The following CFAP61 variants were observed in gnomAD, a reference collection of about 807,000 sequenced individuals.
CFAP61 encodes the protein cilia and flagella associated protein 61, also known as cilia- and flagella-associated protein 61.
Under a neutral mutation model 135.6 loss-of-function variants are expected in CFAP61, and 107 were observed. That is an observed-to-expected ratio of 0.79 (90% confidence interval 0.67 to 0.93). The LOEUF (loss-of-function observed/expected upper bound fraction) is 0.93, where lower values mean the gene tolerates loss of function less well. Ranked by LOEUF, CFAP61 falls within the 40% of genes least tolerant of loss-of-function variation. The pLI, the probability that CFAP61 is intolerant of heterozygous loss-of-function variation, is 0.00. For synonymous variants in CFAP61, 575 were observed against 578.5 expected (o/e 0.99, Z 0.09); for missense variants, 1,507 against 1,556.2 (o/e 0.97, Z 0.53).
intron 6 of CFAP61, among the ~76,000 whole-genome samples, chr20:20,089,472 A>T (rs1220287233): frequency 6.6e-6 from 1 of 152,046 alleles, no homozygotes; most frequent in Non-Finnish European, 1.5e-5. Context: ...AAATGGGATG[A>T]TGAAGATGGT....
intron 15 of CFAP61, 58 bp downstream of exon 15, chr20:20,191,477 G>T (rs933128227): frequency 3.9e-5 from 48 of 1,228,782 alleles, no homozygotes; most frequent in Non-Finnish European, 5.2e-5. Flanking sequence ...TCATGAATTA[G>T]CCCACAGTGC....
chr20:20,287,860 T>C (rs1033902864), intron 22 of CFAP61, among the ~76,000 whole-genome samples: 1 of 152,216 alleles, frequency 6.6e-6, no homozygotes, highest in African/African-American at 2.4e-5. Flanking sequence ...TGGAAGACGA[T>C]GTCCAGATGA....
chr20:20,212,794 A>G (rs2146919606), intron 17 of CFAP61, among the ~76,000 whole-genome samples: 1 of 152,206 alleles, frequency 6.6e-6, no homozygotes, highest in South Asian at 2.1e-4. Flanking sequence ...TTGGTGGTGG[A>G]GAGTTAATTG....
chr20:20,071,114 G>T lies in CFAP61; in HGVS notation c.294+110G>T, dbSNP rs1171171519. On this transcript the variant is annotated intron_variant, in intron 3 of 26. Transcript: ENST00000245957. ...TGTACTGAGCAGTATATGACATCAT[G>T]ACAGTTAAAAGTGAAGGGAGCTGGT... The T allele has an allele frequency of 6.3e-6, 7 of 1,116,594 alleles. No individual in the cohort carries two copies. In the African/African-American group the frequency reaches 1.1e-4, roughly 18 times the overall value. The allele number at this position is 1,116,594 out of a possible 1,614,324, so 69.2% of individuals were successfully genotyped here. A position where few individuals can be genotyped will look rare whatever the true frequency, so the allele number is the denominator to read the frequency against.
chr20:20,085,395 T>C, intron 6 of CFAP61: 2 of 1,356,320 alleles, frequency 1.5e-6, no homozygotes, highest in South Asian at 2.3e-5. Context: ...TGCAAGATCA[T>C]AAATTATCAA....
intron 8 of CFAP61, among the ~76,000 whole-genome samples, chr20:20,132,442 T>A (rs2424259): frequency 0.35 from 52,912 of 151,986 alleles, 9,450 homozygotes; most frequent in Middle Eastern, 0.49. Context: ...AAGCATATGT[T>A]CCATTTTTGT....
At chr20:20,226,831 C>T (rs542229255) in intron 17 of CFAP61, among the ~76,000 whole-genome samples, 4 of 152,316 alleles carry the variant, frequency 2.6e-5, no homozygotes, top group South Asian at 2.1e-4. Context: ...ACGTGGTTTA[C>T]GTGAATCAGA....
At chr20:20,242,917 AG>A in intron 18 of CFAP61, among the ~76,000 whole-genome samples, 1 of 152,318 alleles carries the variant, frequency 6.6e-6, no homozygotes, top group Non-Finnish European at 1.5e-5. Context: ...GTACAGGCAG[AG>A]GTAAGGTGAG....
In CFAP61 at chr20:20,102,340, G is replaced by A. The variant is rs2048088391; in HGVS notation, c.859+3526G>A. Reference sequence around the variant, plus strand: ...CATTTATTTATACACAGCTGACTTGGGTGAGAGTATAAATACCCCAGCTCC... The same window carrying A: ...CATTTATTTATACACAGCTGACTTGAGTGAGAGTATAAATACCCCAGCTCC... On this transcript the variant is annotated intron_variant, in intron 8 of 26. Coordinates refer to ENST00000245957, the MANE Select transcript of CFAP61 (RefSeq NM_015585.4). Among the ~76,000 whole-genome samples, 6 of 152,148 alleles carry A rather than the reference G, an allele frequency of 3.9e-5. No homozygotes were observed. The South Asian group carries it at 1.2e-3, about 32-fold the overall frequency.
intron 17 of CFAP61, among the ~76,000 whole-genome samples, chr20:20,202,500 TAAA>T (rs927634214): frequency 6.6e-6 from 1 of 152,256 alleles, no homozygotes; most frequent in African/African-American, 2.4e-5. Context: ...GCCTCGGTAT[TAAA>T]AAGTTAAAAT....
intron 9 of CFAP61, among the ~76,000 whole-genome samples, chr20:20,150,421 T>C (rs905610757): frequency 2.0e-5 from 3 of 152,168 alleles, no homozygotes; most frequent in African/African-American, 7.2e-5. Flanking sequence ...CTCTCGAAAG[T>C]GCCACCTCCT....
At chr20:20,169,914 C>T (rs967392963) in intron 13 of CFAP61, among the ~76,000 whole-genome samples, 4 of 152,120 alleles carry the variant, frequency 2.6e-5, no homozygotes, top group Non-Finnish European at 1.5e-5. Context: ...AAAATAGATT[C>T]TCAGGTGATT....
At chr20:20,256,743 A>G (rs963451717) in intron 20 of CFAP61, among the ~76,000 whole-genome samples, 6 of 152,212 alleles carry the variant, frequency 3.9e-5, no homozygotes, top group Non-Finnish European at 8.8e-5. Flanking sequence ...CCTGAAGAAG[A>G]GACTCAAGGG....
chr20:20,252,889 C>T (rs1018220063), intron 20 of CFAP61, among the ~76,000 whole-genome samples: 4 of 152,230 alleles, frequency 2.6e-5, no homozygotes, highest in African/African-American at 9.6e-5. Context: ...AAAACACATC[C>T]ATGCCTAGGC....
chr20:20,220,567 A>G (rs2048334079), intron 17 of CFAP61, among the ~76,000 whole-genome samples: 1 of 152,164 alleles, frequency 6.6e-6, no homozygotes, highest in Admixed American at 6.5e-5. Flanking sequence ...CTAGGTAGAC[A>G]GTGTCAGAAT....
chr20:20,316,717 A>G (rs2057157916), intron 25 of CFAP61: 3 of 151,380 alleles, frequency 2.0e-5, no homozygotes, highest in Admixed American at 2.0e-4. Context: ...ACGTCCCATC[A>G]ATACCTAATT....
intron 25 of CFAP61, among the ~76,000 whole-genome samples, chr20:20,312,364 G>C (rs1017022604): frequency 1.3e-5 from 2 of 152,180 alleles, no homozygotes; most frequent in Non-Finnish European, 2.9e-5. Flanking sequence ...TACAATGTCT[G>C]AGACAAGAAC....
intron 8 of CFAP61, among the ~76,000 whole-genome samples, chr20:20,099,418 G>A (rs928294554): frequency 6.6e-6 from 1 of 152,110 alleles, no homozygotes; most frequent in East Asian, 1.9e-4. Context: ...TTTTAATTTA[G>A]TGAGGTCTTA....
chr20:20,302,371 A>G (rs1161075619), intron 25 of CFAP61, among the ~76,000 whole-genome samples: 1 of 152,204 alleles, frequency 6.6e-6, no homozygotes, highest in Non-Finnish European at 1.5e-5. Context: ...GATTTGTAAT[A>G]AAAAGATTGG....
Sources: allele counts gnomAD v4.1 joint callset (sites outside exome capture counted in the v4.1 genomes callset), GRCh38; gene constraint gnomAD v4.1.1; transcripts MANE v1.5; gene names NCBI Gene and HGNC (gene_info 2026-07-23, HGNC 2026-07-21).